The following SLC10A1 variants were observed in gnomAD, a reference collection of about 807,000 sequenced individuals.
SLC10A1 encodes solute carrier family 10 member 1.
In SLC10A1, 36 loss-of-function variants were observed where a neutral mutation model predicts 20.5. That is an observed-to-expected ratio of 1.75 (90% CI 1.34 to 2.32). SLC10A1 has a LOEUF of 2.32. Among genes scored for constraint, SLC10A1 ranks in the 30% most tolerant of loss-of-function variants. SLC10A1 has a pLI of 0.00. For synonymous variants in SLC10A1, 188 were observed against 163.6 expected, an observed-to-expected ratio of 1.15 and a Z score of -1.14; for missense variants, 545 against 439.1, an observed-to-expected ratio of 1.24 and a Z score of -2.16.
At position 69,779,160 on chromosome 14, in the gene SLC10A1, TAAAA is replaced by T. The variant is rs4646291; in HGVS notation, c.746+18_746+21del. 1.1e-4 allele frequency: 154 copies of T among 1,397,370 alleles called. No individual in the cohort carries two copies. The highest frequency in any genetic ancestry group is 1.4e-4 in the Non-Finnish European group (141 of 1,034,308). The allele number at this position is 1,397,370 out of a possible 1,614,324, so 86.6% of individuals were successfully genotyped here. ...TGGGCAACAGAGTGAGACCCTTTCT[TAAAA>T]AAAAAAAAAATACCTACCGTCCATT... On this transcript the variant is annotated intron_variant, in intron 3 of 4. Transcript: ENST00000216540.
chr14:69,783,003 T>A (rs889263591), intron 2 of SLC10A1, among the ~76,000 whole-genome samples: 1 of 152,214 alleles, frequency 6.6e-6, no homozygotes, highest in Non-Finnish European at 1.5e-5. Flanking sequence ...ATAGCAGTGG[T>A]CACTTCACAT....
rs4646288 is a variant in SLC10A1, at chr14:69,792,833, CAAAA to C, written c.356+3963_356+3966del. Among the ~76,000 whole-genome samples, 9 of 122,214 alleles carry C rather than the reference CAAAA, an allele frequency of 7.4e-5. 1 individual carries two copies. Among genetic ancestry groups the C allele is most frequent in the African/African-American group, 1.7e-4 (6 of 35,362 alleles). The allele number at this position is 122,214 out of a possible 152,430, so 80.2% of individuals were successfully genotyped here. On this transcript the variant is annotated intron_variant, in intron 1 of 4. Transcript: ENST00000216540. ...CTATTTTCTTTACATGCCTATTTCTCAAAAAAAAAAAAAAAAAGCAAGCTGTTAG... is the reference window on the plus strand; with the variant it reads ...CTATTTTCTTTACATGCCTATTTCTCAAAAAAAAAAAAAGCAAGCTGTTAG...
chr14:69,785,783 A>G (rs959144484), intron 2 of SLC10A1, among the ~76,000 whole-genome samples: 1 of 110,538 alleles, frequency 9.0e-6, no homozygotes, highest in South Asian at 2.8e-4. Flanking sequence ...TTTTTTTTGT[A>G]TTTTTAATGG....
rs371490029 is a variant in SLC10A1 at position 69,778,345 on chromosome 14, T to A, written c.931A>T (p.Lys311Ter). ...TTTCAGTACTCACCCTTGGGAGTCTTGAATTTCTCATAGCACCAAAATATG... is the reference window on the plus strand; with the variant it reads ...TTTCAGTACTCACCCTTGGGAGTCTAGAATTTCTCATAGCACCAAAATATG... ...IAIFWCYEKF[K>*]TPKDKTKMIY... The change falls in exon 4 of 5, where the codon AAG becomes TAG. Residue 311 changes from lysine to a stop codon, truncating the protein, a stop_gained. Coordinates refer to ENST00000216540, the MANE Select transcript of SLC10A1 (RefSeq NM_003049.4). LOFTEE classifies it low-confidence loss of function (END_TRUNC). The A allele has an allele frequency of 7.5e-6, 12 of 1,605,874 alleles. No homozygotes were observed. The African/African-American group carries it at 1.6e-4, about 22-fold the overall frequency.
rs200153803 is a variant in SLC10A1 at position 69,786,161 on chromosome 14, A to G, written c.503T>C (p.Ile168Thr). Residue 168 changes from isoleucine (I) to threonine (T), a missense_variant, in exon 2 of 5, where the codon ATT (isoleucine) becomes ACT (threonine). By Grantham distance (89) the Ile-to-Thr change is moderately conservative (BLOSUM62 -1). Coordinates refer to ENST00000216540, the MANE Select transcript of SLC10A1 (RefSeq NM_003049.4). The part of the protein sequence containing the change: ...GIVISLVLVL[I>T]PCTIGIVLKS... The stretch of plus-strand genomic sequence containing the variant: ...GAGGACGATCCCTATGGTGCAAGGA[A>G]TGAGAACCAGGACCAGTGATATCAC... The G allele has an allele frequency of 1.3e-4, 208 of 1,613,998 alleles. No homozygotes were observed. The Middle Eastern group carries it at 1.6e-3, about 13-fold the overall frequency.
rs878908617 is a variant in SLC10A1 at position 69,778,272 on chromosome 14, T to C, written c.943+61A>G. 9 of 1,408,924 alleles carry C rather than the reference T, an allele frequency of 6.4e-6. No individual in the cohort carries two copies. The South Asian group carries it at 1.1e-4, about 18-fold the overall frequency. 87.3% of individuals were successfully genotyped at this position (1,408,924 alleles called of 1,614,324 possible). A position where few individuals can be genotyped will look rare whatever the true frequency, so the allele number is the denominator to read the frequency against. ...AAAGTCCCTGCTAGAAACTTGCTTG[T>C]TGGCAGGCTCAGGTCTAATATTGGA... On this transcript the variant is annotated intron_variant, in intron 4 of 4. Transcript: ENST00000216540.
intron 4 of SLC10A1, 151 bp from the exon 5 acceptor site, chr14:69,776,539 A>G: frequency 1.6e-6 from 1 of 623,412 alleles, no homozygotes; most frequent in Non-Finnish European, 2.8e-6. Context: ...CCCATGGTTT[A>G]CTCTTTAAAC....
rs1287400062 is a variant in SLC10A1, at chr14:69,797,186, T to C, written c.-31A>G. 1 of 1,564,176 alleles carries C rather than the reference T, an allele frequency of 6.4e-7. No individual in the cohort carries two copies. The highest frequency in any genetic ancestry group is 1.4e-5 in the African/African-American group (1 of 74,050). On this transcript the variant is annotated 5_prime_UTR_variant, in exon 1 of 5. Transcript: ENST00000216540. Reference sequence around the variant, plus strand: ...TGTGAGGCAGTGGAAGACCACTCCTTGTTCTCCGGCTGACTCCGTTTCTTG... The same window carrying C: ...TGTGAGGCAGTGGAAGACCACTCCTCGTTCTCCGGCTGACTCCGTTTCTTG...
rs138880008 is a variant in SLC10A1, at chr14:69,796,813, C to A, written c.343G>T (p.Asp115Tyr). Residue 115 changes from aspartate (D) to tyrosine (Y), a missense_variant, in exon 1 of 5, where the codon GAC (aspartate) becomes TAC (tyrosine). Asp to Tyr is a radical substitution (Grantham distance 160). Coordinates refer to ENST00000216540, the MANE Select transcript of SLC10A1 (RefSeq NM_003049.4). ...CCCCAGGCCTACCTGAGGTTCATGT[C>A]CCCCTTCATGGCCAGACTGAAGACA... ...SNVFSLAMKGDMNLSIVMTTC... is the reference protein window; with the variant it reads ...SNVFSLAMKGYMNLSIVMTTC... 1.9e-6 allele frequency: 3 copies of A among 1,613,454 alleles called. No homozygotes were observed. The African/African-American group carries it at 4.0e-5, about 22-fold the overall frequency.
At chr14:69,791,304 ATT>A (rs879785980) in intron 1 of SLC10A1, among the ~76,000 whole-genome samples, 3 of 144,884 alleles carry the variant, frequency 2.1e-5, no homozygotes, top group Non-Finnish European at 3.1e-5. Context: ...AGCTAACATG[ATT>A]TTTTTTTTTT....
chr14:69,791,579 C>T (rs1883841828), intron 1 of SLC10A1, among the ~76,000 whole-genome samples: 1 of 152,182 alleles, frequency 6.6e-6, no homozygotes, highest in Admixed American at 6.5e-5. Flanking sequence ...GGATTACAGG[C>T]GTGAGCCACT....
intron 1 of SLC10A1, among the ~76,000 whole-genome samples, chr14:69,787,776 T>A (rs888614422): frequency 2.0e-5 from 3 of 152,146 alleles, no homozygotes; most frequent in Non-Finnish European, 2.9e-5. Context: ...ATGCCTATAA[T>A]TCCAGCATTT....
intron 2 of SLC10A1, 106 bp downstream of exon 2, chr14:69,785,991 G>T: frequency 1.3e-6 from 1 of 794,810 alleles, no homozygotes; most frequent in Admixed American, 2.3e-5. Flanking sequence ...TTAGCATCTA[G>T]TAGGAGCATA....
chr14:69,778,254 C>A, intron 4 of SLC10A1, 79 bp downstream of exon 4: 1 of 1,268,838 alleles, frequency 7.9e-7, no homozygotes, highest in Non-Finnish European at 1.1e-6. Flanking sequence ...CAAAAAGTCC[C>A]TGCTAGAAAC....
intron 2 of SLC10A1, among the ~76,000 whole-genome samples, chr14:69,783,458 T>G (rs1472885703): frequency 6.6e-6 from 1 of 152,152 alleles, no homozygotes; most frequent in African/African-American, 2.4e-5. Context: ...GGAGGCGCTA[T>G]TTGTGTTGAG....
chr14:69,782,781 C>T (rs1444670318), intron 2 of SLC10A1, among the ~76,000 whole-genome samples: 1 of 149,688 alleles, frequency 6.7e-6, no homozygotes, highest in Non-Finnish European at 1.5e-5. Flanking sequence ...GCACTCCAAC[C>T]TGGGCGACAG....
intron 1 of SLC10A1, among the ~76,000 whole-genome samples, chr14:69,793,103 G>A (rs1882311793): frequency 6.6e-6 from 1 of 152,166 alleles, no homozygotes; most frequent in Admixed American, 6.5e-5. Flanking sequence ...AACACAACTT[G>A]TGTGTTTGTT....
At chr14:69,789,938 T>A (rs1363179621) in intron 1 of SLC10A1, among the ~76,000 whole-genome samples, 1 of 150,954 alleles carries the variant, frequency 6.6e-6, no homozygotes, top group Non-Finnish European at 1.5e-5. Context: ...TTTTTTTTTT[T>A]AAAGGCCAAT....
chr14:69,793,284 T>C (rs535282166), intron 1 of SLC10A1, among the ~76,000 whole-genome samples: 2 of 152,268 alleles, frequency 1.3e-5, no homozygotes, highest in East Asian at 3.9e-4. Flanking sequence ...GACATCCATC[T>C]CCTAGCCTGC....
Sources: allele counts gnomAD v4.1 joint callset (sites outside exome capture counted in the v4.1 genomes callset), GRCh38; gene constraint gnomAD v4.1.1; transcripts MANE v1.5; gene names NCBI Gene and HGNC (gene_info 2026-07-23, HGNC 2026-07-21).